BCL7A: variants seen among roughly 807,000 people sequenced by gnomAD.
BCL7A encodes the protein B-cell CLL/lymphoma 7 protein family member A.
Under a neutral mutation model 28.4 loss-of-function variants are expected in BCL7A, and 11 were observed. The observed-to-expected ratio is 0.39, with a 90% confidence interval of 0.24 to 0.64. The LOEUF (loss-of-function observed/expected upper bound fraction) is 0.64. BCL7A is among the 30% of genes least tolerant of loss of function. BCL7A has a pLI of 0.50. For synonymous variants in BCL7A, 123 were observed against 103.3 expected (o/e 1.19, Z -1.15); for missense variants, 222 against 274.8 (o/e 0.81, Z 1.36).
At chr12:122,052,901 G>T (rs945416840) in intron 4 of BCL7A, among the ~76,000 whole-genome samples, 1 of 145,416 alleles carries the variant, frequency 6.9e-6, no homozygotes, top group Admixed American at 7.1e-5. Flanking sequence ...TGTTGGCCAG[G>T]CTGGTCTCAA....
intron 3 of BCL7A, 132 bp from the exon 4 acceptor site, chr12:122,043,753 TA>T: frequency 1.1e-6 from 1 of 877,496 alleles, no homozygotes; most frequent in Non-Finnish European, 1.6e-6. Flanking sequence ...AAAAAAACGG[TA>T]ACCAGACCCC....
At chr12:122,045,980 A>G (rs1884068673) in intron 4 of BCL7A, among the ~76,000 whole-genome samples, 1 of 143,828 alleles carries the variant, frequency 7.0e-6, no homozygotes, top group Non-Finnish European at 1.5e-5. Context: ...TCCCAGGAGG[A>G]TCGACTGAAC....
Position 122,043,911 on chromosome 12 carries a change from C to G in BCL7A, c.297C>G (p.Ile99Met). 1 of 1,613,814 alleles carries G rather than the reference C, an allele frequency of 6.2e-7. No homozygotes were observed. The highest frequency in any genetic ancestry group is 8.5e-7 in the Non-Finnish European group (1 of 1,179,958). The change falls in exon 4 of 6, where the codon ATC becomes ATG. Residue 99 changes from isoleucine (I) to methionine (M), a missense_variant. Coordinates refer to ENST00000261822, the MANE Select transcript of BCL7A (RefSeq NM_001024808.3). Reference sequence around the variant, plus strand: ...ACGATAACAGCAACCAGAGCTCCATCGCAGATGCCTCCCCCATCAAACAGG... The same window carrying G: ...ACGATAACAGCAACCAGAGCTCCATGGCAGATGCCTCCCCCATCAAACAGG... ...MHDDNSNQSS[I>M]ADASPIKQEN...
At chr12:122,026,337 G>A (rs1883629935) in intron 1 of BCL7A, among the ~76,000 whole-genome samples, 1 of 151,988 alleles carries the variant, frequency 6.6e-6, no homozygotes, top group African/African-American at 2.4e-5. Context: ...CAGCTACTCA[G>A]GAGGCTAAGC....
chr12:122,059,136 C>T lies in BCL7A; in HGVS notation c.606C>T (p.Ala202=). The T allele has an allele frequency of 6.2e-7, 1 of 1,612,790 alleles. No homozygotes were observed. ...CCTCTAAAAAGATGAAACTGGAGGC[C>T]TCTCAACAAAACTCCGAAGAGATGT... The part of the protein sequence containing the change: ...VPPSKKMKLE[A]SQQNSEEM Residue 202 remains alanine, a synonymous_variant, in exon 6 of 6, where the codon GCC becomes GCT. Transcript: ENST00000261822. The surrounding 1 kb of genome is among the most constrained non-coding windows in gnomAD (Gnocchi z 4.0).
At chr12:122,024,335 C>T (rs1266805561) in intron 1 of BCL7A, among the ~76,000 whole-genome samples, 1 of 152,156 alleles carries the variant, frequency 6.6e-6, no homozygotes, top group African/African-American at 2.4e-5. Flanking sequence ...CAGGTCCCCT[C>T]GGGTTATTGA....
intron 3 of BCL7A, among the ~76,000 whole-genome samples, chr12:122,036,185 G>A (rs1423943805): frequency 1.3e-5 from 2 of 151,992 alleles, no homozygotes; most frequent in Non-Finnish European, 2.9e-5. Context: ...CCAGGACCTT[G>A]GGAACTGCCC....
chr12:122,054,917 A>C lies in BCL7A; in HGVS notation c.552A>C (p.Ala184=), dbSNP rs1884279576. 6.2e-7 allele frequency: 1 copy of C among 1,614,064 alleles called. No homozygotes were observed. The highest frequency in any genetic ancestry group is 8.5e-7 in the Non-Finnish European group (1 of 1,180,034). Residue 184 remains alanine, a synonymous_variant, in exon 5 of 6, where the codon GCA becomes GCC. Transcript: ENST00000261822. ...GDSGLAAETS[A]ISQDLEGVPP... ...CGGGTCTGGCCGCAGAGACGTCTGC[A>C]ATCTCTCAGGTACCTCGCTCGAGGT...
At position 122,059,106 on chromosome 12, in the gene BCL7A, G is replaced by T. The variant is rs979859020; in HGVS notation, c.576G>T (p.Val192=). The T allele has an allele frequency of 6.2e-7, 1 of 1,610,752 alleles. No homozygotes were observed. The highest frequency in any genetic ancestry group is 1.3e-5 in the African/African-American group (1 of 74,854). The change falls in exon 6 of 6, where the codon GTG becomes GTT. Residue 192 remains valine, a synonymous_variant. Transcript: ENST00000261822. The surrounding 1 kb of genome is among the most constrained non-coding windows in gnomAD (Gnocchi z 4.0). ...CTCTCCCCAAGGATTTGGAAGGAGTGCCACCCTCTAAAAAGATGAAACTGG... is the reference window on the plus strand; with the variant it reads ...CTCTCCCCAAGGATTTGGAAGGAGTTCCACCCTCTAAAAAGATGAAACTGG... ...TSAISQDLEG[V]PPSKKMKLEA...
chr12:122,053,316 T>G (rs990198503), intron 4 of BCL7A, among the ~76,000 whole-genome samples: 3 of 152,162 alleles, frequency 2.0e-5, no homozygotes, highest in Admixed American at 1.3e-4. Context: ...GTCTGAGAAG[T>G]AAGTGTCAAC....
At position 122,054,902 on chromosome 12, in the gene BCL7A, C is replaced by T. The variant is rs752759593; in HGVS notation, c.537C>T (p.Ala179=). 8.1e-6 allele frequency: 13 copies of T among 1,614,020 alleles called. No individual in the cohort carries two copies. The East Asian group carries it at 1.6e-4, about 19-fold the overall frequency. Residue 179 remains alanine (A), a synonymous_variant, in exon 5 of 6, where the codon GCC becomes GCT. Transcript: ENST00000261822. ...DRQPSGDSGL[A]AETSAISQDL... is the part of the protein sequence containing the mutation. ...AGCCGTCTGGAGACTCGGGTCTGGCCGCAGAGACGTCTGCAATCTCTCAGG... is the reference window on the plus strand; with the variant it reads ...AGCCGTCTGGAGACTCGGGTCTGGCTGCAGAGACGTCTGCAATCTCTCAGG...
chr12:122,025,325 A>G (rs1883597741), intron 1 of BCL7A, among the ~76,000 whole-genome samples: 1 of 151,552 alleles, frequency 6.6e-6, no homozygotes, highest in African/African-American at 2.4e-5. Flanking sequence ...AACCAAAAAA[A>G]AAGAAAAAGA....
chr12:122,043,753 T>A, intron 3 of BCL7A, 133 bp from the exon 4 acceptor site: 11 of 877,396 alleles, frequency 1.3e-5, no homozygotes, highest in Middle Eastern at 2.8e-4. Flanking sequence ...AAAAAAACGG[T>A]AACCAGACCC....
chr12:122,060,276 G>C lies in BCL7A; in HGVS notation c.*1113G>C. Reference sequence around the variant, plus strand: ...CCACGTGCTTTCCTATTCTCAGGCTGTTCTGACTCTGAGCCAACAGCTGGA... The same window carrying C: ...CCACGTGCTTTCCTATTCTCAGGCTCTTCTGACTCTGAGCCAACAGCTGGA... On this transcript the variant is annotated 3_prime_UTR_variant, in exon 6 of 6. Transcript: ENST00000261822. 4.3e-6 allele frequency: 1 copy of C among 233,040 alleles called. No individual in the cohort carries two copies. Among genetic ancestry groups the C allele is most frequent in the Non-Finnish European group, 8.5e-6 (1 of 117,664 alleles). 14.4% of individuals were successfully genotyped at this position (233,040 alleles called of 1,614,324 possible).
chr12:122,040,659 T>A (rs2135849971), intron 3 of BCL7A, among the ~76,000 whole-genome samples: 1 of 152,060 alleles, frequency 6.6e-6, no homozygotes, highest in Non-Finnish European at 1.5e-5. Flanking sequence ...GATTTTCATT[T>A]TAGTGCACGT....
intron 3 of BCL7A, among the ~76,000 whole-genome samples, chr12:122,037,637 G>C (rs1356589416): frequency 6.6e-6 from 1 of 151,880 alleles, no homozygotes; most frequent in Non-Finnish European, 1.5e-5. Context: ...CCAACATGGT[G>C]AAACCCTGTC....
chr12:122,029,931 A>G lies in BCL7A; in HGVS notation c.93-769A>G, dbSNP rs1207915681. 6.6e-6 allele frequency among the ~76,000 whole-genome samples: 1 copy of G among 152,106 alleles called. No individual in the cohort carries two copies. Among genetic ancestry groups the G allele is most frequent in the Non-Finnish European group, 1.5e-5 (1 of 68,012 alleles). ...GGCATTGTTATCTCGAATGAAAACC[A>G]GTCCTGTTTGCTTCTGTGGCTTGTA... is the stretch of plus-strand genomic sequence containing the variant. On this transcript the variant is annotated intron_variant, in intron 1 of 5. Coordinates refer to ENST00000261822, the MANE Select transcript of BCL7A (RefSeq NM_001024808.3). The surrounding 1 kb of genome is among the most constrained non-coding windows in gnomAD (Gnocchi z 4.3).
chr12:122,060,906 C>T lies in BCL7A; in HGVS notation c.*1743C>T, dbSNP rs1309688942. 1 of 220,988 alleles carries T rather than the reference C, an allele frequency of 4.5e-6. No individual in the cohort carries two copies. The highest frequency in any genetic ancestry group is 9.0e-6 in the Non-Finnish European group (1 of 111,020). The allele number at this position is 220,988 out of a possible 1,614,324, so 13.7% of individuals were successfully genotyped here. On this transcript the variant is annotated 3_prime_UTR_variant, in exon 6 of 6. Coordinates refer to ENST00000261822, the MANE Select transcript of BCL7A (RefSeq NM_001024808.3). ...CCTGAAATAAGGGAAAAAAAAAAAA[C>T]CACAACTTTGAAAATCTTAATGTTG... is the stretch of plus-strand genomic sequence containing the variant.
chr12:122,037,812 G>C (rs921206131), intron 3 of BCL7A, among the ~76,000 whole-genome samples: 1 of 152,150 alleles, frequency 6.6e-6, no homozygotes, highest in East Asian at 1.9e-4. Context: ...AGCCAGGCGT[G>C]GGGGCGCGTG....
Sources: allele counts gnomAD v4.1 joint callset (sites outside exome capture counted in the v4.1 genomes callset), GRCh38; gene constraint gnomAD v4.1.1; non-coding constraint Gnocchi (gnomAD v3.1); transcripts MANE v1.5; gene names NCBI Gene and HGNC (gene_info 2026-07-23, HGNC 2026-07-21).